The following SEPTIN4 variants were observed in gnomAD, a reference collection of about 807,000 sequenced individuals.
SEPTIN4 encodes septin-4.
Under a neutral mutation model 107.1 loss-of-function variants are expected in SEPTIN4, and 52 were observed. That is an observed-to-expected ratio of 0.49 (90% CI 0.39 to 0.61). SEPTIN4 has a LOEUF of 0.61. SEPTIN4 is among the 20% of genes least tolerant of loss of function. The pLI is 0.00. For missense variants in SEPTIN4, 1,048 were observed against 1,243.5 expected, an observed-to-expected ratio of 0.84 and a Z score of 2.36; for synonymous variants, 417 against 467.0, an observed-to-expected ratio of 0.89 and a Z score of 1.38.
chr17:58,528,067 C>T (rs1295687258), intron 3 of SEPTIN4: 1 of 981,160 alleles, frequency 1.0e-6, no homozygotes, highest in East Asian at 1.1e-4. Flanking sequence ...AGCTCTGCCT[C>T]ACAATACCCA....
Position 58,520,314 on chromosome 17 carries a change from T to G in SEPTIN4, c.*112A>C. On this transcript the variant is annotated 3_prime_UTR_variant, in exon 14 of 14. Transcript: ENST00000672673. ...TGAGTCTCTGGGCAGTCAGCAGGGA[T>G]GTAAGGCGAAGTGGCAGTAGCTGAA... The G allele has an allele frequency of 1.1e-6, 1 of 918,610 alleles. No homozygotes were observed. The highest frequency in any genetic ancestry group is 1.7e-6 in the Non-Finnish European group (1 of 581,688). The allele number at this position is 918,610 out of a possible 1,614,324, so 56.9% of individuals were successfully genotyped here.
In SEPTIN4 at chr17:58,538,696, C is replaced by A. The variant is rs984002778; in HGVS notation, c.1614+1970G>T. On this transcript the variant is annotated intron_variant, in intron 3 of 13. Transcript: ENST00000672673. The surrounding 1 kb of genome is among the most constrained non-coding windows in gnomAD (Gnocchi z 4.7). ...AGCATAACCTCCTCTGGGGAGACTC[C>A]TGCCCCTAATGTCCCAATCCAAGGA... Among the ~76,000 whole-genome samples, 8 of 152,168 alleles carry A rather than the reference C, an allele frequency of 5.3e-5. No homozygotes were observed.
intron 7 of SEPTIN4, among the ~76,000 whole-genome samples, chr17:58,522,627 A>G (rs1292351149): frequency 1.3e-5 from 2 of 149,800 alleles, no homozygotes; most frequent in South Asian, 2.1e-4. Flanking sequence ...ATACCACTCC[A>G]GCCTGGGTGA....
intron 6 of SEPTIN4, 179 bp from the exon 7 acceptor site, chr17:58,525,380 C>A (rs1379115968): frequency 8.1e-6 from 6 of 737,314 alleles, no homozygotes; most frequent in African/African-American, 1.8e-5. Flanking sequence ...TTTCCCAACA[C>A]AGGAAATGCC....
chr17:58,526,654 A>C, intron 4 of SEPTIN4, 28 bp downstream of exon 4: 1 of 1,535,634 alleles, frequency 6.5e-7, no homozygotes, highest in Non-Finnish European at 8.7e-7. Flanking sequence ...AGCCCACTGA[A>C]AGGCAAAGGC....
At chr17:58,527,586 C>G (rs906802746) in intron 3 of SEPTIN4, 2 of 199,964 alleles carry the variant, frequency 1.0e-5, no homozygotes, top group African/African-American at 4.7e-5. Context: ...CACTGCCCAG[C>G]GCTCAGTATA....
chr17:58,530,209 G>C (rs2043339754), intron 3 of SEPTIN4: 1 of 152,248 alleles, frequency 6.6e-6, no homozygotes, highest in Non-Finnish European at 1.5e-5. Flanking sequence ...TTAATGTTCA[G>C]TTGTGAATGG....
Position 58,543,243 on chromosome 17 carries a change from G to C in SEPTIN4, c.944C>G (p.Ser315Ter). 10 of 1,614,148 alleles carry C rather than the reference G, an allele frequency of 6.2e-6. No individual in the cohort carries two copies. Among genetic ancestry groups the C allele is most frequent in the Non-Finnish European group, 8.5e-6 (10 of 1,180,040 alleles). The change falls in exon 1 of 14, where the codon TCA becomes TGA. Residue 315 changes from serine to a stop codon, truncating the protein, a stop_gained. Coordinates refer to ENST00000672673, the MANE Select transcript of SEPTIN4 (RefSeq NM_001368771.2). LOFTEE classifies it high-confidence loss of function. ...GGTCCTCACGTTGGACTCCACCTGT[G>C]ATGATACTAAGACCTTTGCGGAGGG... ...TKPSAKVLVS[S>*]QVESNVRTPI...
At chr17:58,522,918 C>G (rs2042428724) in intron 7 of SEPTIN4, among the ~76,000 whole-genome samples, 1 of 152,136 alleles carries the variant, frequency 6.6e-6, no homozygotes, top group Non-Finnish European at 1.5e-5. Flanking sequence ...CAAAGCAAAA[C>G]AAATAAATAA....
intron 3 of SEPTIN4, chr17:58,529,148 C>G (rs1277612893): frequency 6.2e-7 from 1 of 1,614,222 alleles, no homozygotes. Context: ...GGACAGAATT[C>G]CCTTGCCATC....
At position 58,520,771 on chromosome 17, in the gene SEPTIN4, T is replaced by G. The variant is rs751476831; in HGVS notation, c.2903A>C (p.Glu968Ala). The stretch of plus-strand genomic sequence containing the variant: ...CTCATCTTTCTCTCGGATAAGCTTC[T>G]CAGTTTCTGGATCTGTCCCTGGTGG... ...AVPPGTDPET[E>A]KLIREKDEEL... The change falls in exon 13 of 14, where the codon GAG (glutamate) becomes GCG (alanine). Residue 968 changes from glutamate (E) to alanine (A), a missense_variant. By Grantham distance (107) the Glu-to-Ala change is moderately radical. Coordinates refer to ENST00000672673, the MANE Select transcript of SEPTIN4 (RefSeq NM_001368771.2). 6.2e-7 allele frequency: 1 copy of G among 1,614,188 alleles called. No individual in the cohort carries two copies. Among genetic ancestry groups the G allele is most frequent in the Non-Finnish European group, 8.5e-7 (1 of 1,180,026 alleles).
At position 58,543,655 on chromosome 17, in the gene SEPTIN4, G is replaced by A. The variant is rs199766983; in HGVS notation, c.532C>T (p.Pro178Ser). The A allele has an allele frequency of 5.6e-6, 9 of 1,614,046 alleles. No individual in the cohort carries two copies. The highest frequency in any genetic ancestry group is 7.6e-6 in the Non-Finnish European group (9 of 1,180,008). ...CCTTGGGGGTTCTGGACCTTGGATG[G>A]TGGGTCATCTTCTAAGATTTGTGAT... ...LQSQILEDDP[P>S]SKVQNPQGVR... is the part of the protein sequence containing the mutation. The change falls in exon 1 of 14, where the codon CCA (proline) becomes TCA (serine). Residue 178 changes from proline (P) to serine (S), a missense_variant. By Grantham distance (74) the Pro-to-Ser change is moderately conservative. Around this residue, in one of 2 missense-constraint regions of SEPTIN4, gnomAD observed 787 missense variants for 871.8 expected, o/e 0.90. Transcript: ENST00000672673.
chr17:58,535,096 G>T (rs1345149439), intron 3 of SEPTIN4, among the ~76,000 whole-genome samples: 6 of 152,228 alleles, frequency 3.9e-5, no homozygotes, highest in Admixed American at 6.5e-5. Flanking sequence ...TCACTGGGTT[G>T]TGTCTTTCAA....
intron 1 of SEPTIN4, among the ~76,000 whole-genome samples, 183 bp downstream of exon 1, chr17:58,542,443 C>G (rs1051917740): frequency 1.3e-5 from 2 of 152,156 alleles, no homozygotes; most frequent in East Asian, 3.8e-4. Context: ...ATGTCATTAG[C>G]TTGGAGCACA....
Position 58,520,503 on chromosome 17 carries a change from A to T in SEPTIN4, c.2932-18T>A. ...CGCCGCAGCTGGAATAGGCACAGGC[A>T]TCAAAATGGGGACTTTTGGAGAGTC... On this transcript the variant is annotated intron_variant, in intron 13 of 13. Coordinates refer to ENST00000672673, the MANE Select transcript of SEPTIN4 (RefSeq NM_001368771.2). The T allele has an allele frequency of 6.2e-7, 1 of 1,613,624 alleles. No individual in the cohort carries two copies. Among genetic ancestry groups the T allele is most frequent in the South Asian group, 1.1e-5 (1 of 91,056 alleles).
chr17:58,535,757 T>C (rs1012563311), intron 3 of SEPTIN4, among the ~76,000 whole-genome samples: 6 of 152,246 alleles, frequency 3.9e-5, no homozygotes, highest in African/African-American at 1.4e-4. Context: ...GTCTTTTCTT[T>C]TAACCTCTGC....
intron 3 of SEPTIN4, among the ~76,000 whole-genome samples, chr17:58,534,438 C>T (rs1016993399): frequency 1.3e-5 from 2 of 152,206 alleles, no homozygotes; most frequent in Non-Finnish European, 2.9e-5. Context: ...CTAGCTCTTA[C>T]ATTCTGTGTG....
intron 12 of SEPTIN4, 30 bp downstream of exon 12, chr17:58,520,968 T>C (rs1291783487): frequency 6.2e-7 from 1 of 1,613,184 alleles, no homozygotes; most frequent in Admixed American, 1.7e-5. Flanking sequence ...GATCTCCCCC[T>C]GCCAGCTTTG....
intron 3 of SEPTIN4, chr17:58,531,987 C>T: frequency 8.7e-7 from 1 of 1,144,526 alleles, no homozygotes; most frequent in East Asian, 4.4e-5. Context: ...GCGGGGCCGG[C>T]TCCGCCTGGA....
Sources: gnomAD v4.1 joint callset for allele counts (sites outside exome capture counted in the v4.1 genomes callset) on GRCh38, gnomAD v4.1.1 for gene constraint, gnomAD v4.1.1 regional missense constraint, Gnocchi (gnomAD v3.1) non-coding constraint, MANE v1.5 for transcripts, NCBI Gene and HGNC (gene_info 2026-07-23, HGNC 2026-07-21) for gene names.